The following RBFOX1 variants were observed in gnomAD, a reference collection of about 807,000 sequenced individuals.
RBFOX1 encodes the protein RNA binding fox-1 homolog 1.
Under a neutral mutation model 57.7 loss-of-function variants are expected in RBFOX1, and 8 were observed. The ratio of observed to expected loss-of-function variants is 0.14; its 90% CI spans 0.08 to 0.25. RBFOX1 has a LOEUF of 0.25. RBFOX1 is among the 10% of genes least tolerant of loss of function. The probability of loss-of-function intolerance (pLI) is 1.00; values close to 1 mark genes in which losing one functional copy is unlikely to be tolerated. For missense variants in RBFOX1, 611 were observed against 548.5 expected (o/e 1.11, Z -1.14); for synonymous variants, 326 against 222.4 (o/e 1.47, Z -4.15).
intron 13 of RBFOX1, chr16:7,671,502 T>C: frequency 6.8e-7 from 1 of 1,471,006 alleles, no homozygotes; most frequent in Non-Finnish European, 9.5e-7. Context: ...TTATGCATTC[T>C]CTTTTATTTA....
In RBFOX1 at chr16:7,693,379, T is replaced by C. The variant is rs370597008; in HGVS notation, c.996-15677T>C. 4.4e-6 allele frequency: 7 copies of C among 1,602,272 alleles called. No individual in the cohort carries two copies. The African/African-American group carries it at 8.1e-5, about 18-fold the overall frequency. On this transcript the variant is annotated intron_variant, in intron 14 of 15. Transcript: ENST00000550418. The stretch of plus-strand genomic sequence containing the variant: ...TAACACCTCTGCAGGTAACAAACGT[T>C]GCTACTTCTTGATGCATCCATCCAA...
intron 4 of RBFOX1, among the ~76,000 whole-genome samples, chr16:7,179,209 A>T (rs564526853): frequency 6.8e-6 from 1 of 148,128 alleles, no homozygotes; most frequent in African/African-American, 2.5e-5. Flanking sequence ...ATATGGAAGG[A>T]TGCTTAACCG....
chr16:6,727,901 A>G (rs1056135507), intron 3 of RBFOX1, among the ~76,000 whole-genome samples: 4 of 152,160 alleles, frequency 2.6e-5, no homozygotes, highest in Non-Finnish European at 5.9e-5. Context: ...CCATTTTGAA[A>G]TCATACAGCC....
intron 4 of RBFOX1, among the ~76,000 whole-genome samples, chr16:7,299,506 A>G (rs1056094486): frequency 2.0e-5 from 3 of 152,194 alleles, no homozygotes; most frequent in Non-Finnish European, 4.4e-5. Flanking sequence ...TTACATGCAA[A>G]GCAATTGCTG....
In RBFOX1 at chr16:7,315,461, C is replaced by A. The variant is rs1040222189; in HGVS notation, c.28-202686C>A. On this transcript the variant is annotated intron_variant, in intron 4 of 15. Coordinates refer to ENST00000550418, the MANE Select transcript of RBFOX1 (RefSeq NM_018723.4). ...TTAAAGCCCTACTCTACCCTACCCC[C>A]CCCCCCATACTGGGGGCTTGAATTT... 6.6e-5 allele frequency among the ~76,000 whole-genome samples: 10 copies of A among 150,822 alleles called. 1 individual carries two copies. Among genetic ancestry groups the A allele is most frequent in the Non-Finnish European group, 1.0e-4 (7 of 67,366 alleles).
intron 4 of RBFOX1, among the ~76,000 whole-genome samples, chr16:7,203,307 A>G (rs1306914142): frequency 6.6e-6 from 1 of 152,208 alleles, no homozygotes; most frequent in Non-Finnish European, 1.5e-5. Flanking sequence ...CACGCACTGT[A>G]TAATTCCACT....
rs749865539 is a variant in RBFOX1 at position 6,867,493 on chromosome 16, C to T, written c.-15-184564C>T. On this transcript the variant is annotated intron_variant, in intron 3 of 15. Transcript: ENST00000550418. ...CAGCACTTTGGGGGGCCGAGACAGG[C>T]GGATCACTTGAGGTCAGGAGTTCGA... is the stretch of plus-strand genomic sequence containing the variant. 8.7e-4 allele frequency among the ~76,000 whole-genome samples: 133 copies of T among 152,068 alleles called. 1 individual carries two copies. Among genetic ancestry groups the T allele is most frequent in the Middle Eastern group, 3.4e-3 (1 of 294 alleles).
chr16:7,453,556 A>C lies in RBFOX1; in HGVS notation c.28-64591A>C, dbSNP rs984127225. ...CATTGTGTTCATAGTGTATGACAGT[A>C]AGCCAGGAGCTCTGAGAAAACAAAT... is the stretch of plus-strand genomic sequence containing the variant. On this transcript the variant is annotated intron_variant, in intron 4 of 15. Coordinates refer to ENST00000550418, the MANE Select transcript of RBFOX1 (RefSeq NM_018723.4). Among the ~76,000 whole-genome samples, 8 of 152,182 alleles carry C rather than the reference A, an allele frequency of 5.3e-5. No homozygotes were observed. In the East Asian group the frequency reaches 5.8e-4, roughly 11 times the overall value.
chr16:7,697,281 C>T (rs1047641214), intron 14 of RBFOX1, among the ~76,000 whole-genome samples: 1 of 152,150 alleles, frequency 6.6e-6, no homozygotes, highest in Non-Finnish European at 1.5e-5. Context: ...ACAGGACATA[C>T]TGGCAGATTA....
intron 2 of RBFOX1, among the ~76,000 whole-genome samples, chr16:6,440,690 A>G (rs748240388): frequency 4.0e-5 from 6 of 151,852 alleles, no homozygotes; most frequent in African/African-American, 7.3e-5. Context: ...AGTCCCAACT[A>G]CTTGGGAGGC....
chr16:6,423,094 A>G (rs547174487), intron 2 of RBFOX1, among the ~76,000 whole-genome samples: 1 of 152,296 alleles, frequency 6.6e-6, no homozygotes, highest in African/African-American at 2.4e-5. Context: ...TGTATTCACA[A>G]TTGTGAACAG....
At chr16:7,504,546 G>T (rs938435379) in intron 4 of RBFOX1, among the ~76,000 whole-genome samples, 6 of 149,450 alleles carry the variant, frequency 4.0e-5, no homozygotes, top group African/African-American at 1.5e-4. Context: ...CACAAAAAAA[G>T]GTCAATTATA....
At chr16:6,642,329 C>A (rs146968283) in intron 2 of RBFOX1, among the ~76,000 whole-genome samples, 1 of 152,190 alleles carries the variant, frequency 6.6e-6, no homozygotes, top group Non-Finnish European at 1.5e-5. Context: ...TGGGTAATTA[C>A]TTTTACAGTT....
intron 3 of RBFOX1, among the ~76,000 whole-genome samples, chr16:6,710,160 C>G (rs2154150882): frequency 6.6e-6 from 1 of 152,264 alleles, no homozygotes; most frequent in Admixed American, 6.5e-5. Flanking sequence ...AGCCGTGTGT[C>G]TCTAGAACTG....
intron 2 of RBFOX1, among the ~76,000 whole-genome samples, chr16:6,385,609 C>T (rs568935589): frequency 1.3e-5 from 2 of 152,352 alleles, no homozygotes; most frequent in East Asian, 3.9e-4. Flanking sequence ...ATCCACCTGC[C>T]TCGGCCTCCC....
intron 4 of RBFOX1, among the ~76,000 whole-genome samples, chr16:7,446,028 C>A (rs115866951): frequency 3.9e-5 from 6 of 152,278 alleles, no homozygotes; most frequent in African/African-American, 1.2e-4. Flanking sequence ...CAATTTGTAG[C>A]ATGGTCTTGC....
At chr16:5,871,504 G>A (rs115938577) in intron 4 of RBFOX1, among the ~76,000 whole-genome samples, 10 of 152,130 alleles carry the variant, frequency 6.6e-5, no homozygotes, top group African/African-American at 1.9e-4. Context: ...CATTAAGCCT[G>A]TTTTATCGCA....
chr16:6,025,446 A>G (rs902461367), intron 1 of RBFOX1, among the ~76,000 whole-genome samples: 1 of 152,234 alleles, frequency 6.6e-6, no homozygotes, highest in Admixed American at 6.5e-5. Context: ...TGTATACATT[A>G]GCCTACTTAG....
chr16:6,998,069 AATATAG>A (rs1447647824), intron 3 of RBFOX1, among the ~76,000 whole-genome samples: 1 of 152,134 alleles, frequency 6.6e-6, no homozygotes, highest in Non-Finnish European at 1.5e-5. Flanking sequence ...ATTTAGAAAA[AATATAG>A]ATATAAATAT....
Sources: allele counts gnomAD v4.1 joint callset (sites outside exome capture counted in the v4.1 genomes callset), GRCh38; gene constraint gnomAD v4.1.1; transcripts MANE v1.5; gene names NCBI Gene and HGNC (gene_info 2026-07-23, HGNC 2026-07-21).